The following GRM1 variants were observed in gnomAD, a reference collection of about 807,000 sequenced individuals.
The protein encoded by GRM1 is glutamate metabotropic receptor 1.
A neutral mutation model predicts 90.9 loss-of-function variants in GRM1; 33 were observed. The ratio of observed to expected loss-of-function variants is 0.36; its 90% confidence interval spans 0.28 to 0.49. The LOEUF (loss-of-function observed/expected upper bound fraction) is 0.49. GRM1 is among the 20% of genes least tolerant of loss of function. GRM1 has a pLI of 0.99. For missense variants in GRM1, 1,190 were observed against 1,534.3 expected (o/e 0.78, Z 3.75); for synonymous variants, 700 against 613.2 (o/e 1.14, Z -2.09).
chr6:146,170,824 C>T (rs972434946), intron 2 of GRM1, among the ~76,000 whole-genome samples: 1 of 151,726 alleles, frequency 6.6e-6, no homozygotes, highest in African/African-American at 2.4e-5. Flanking sequence ...GTATGTGAGT[C>T]ACACTTTTTT....
intron 7 of GRM1, among the ~76,000 whole-genome samples, chr6:146,430,090 A>G (rs1375216715): frequency 1.3e-5 from 2 of 152,220 alleles, no homozygotes; most frequent in African/African-American, 2.4e-5. Flanking sequence ...AGATGTAACT[A>G]GTACTTACTG....
At chr6:146,424,881 T>A (rs1017787949) in intron 7 of GRM1, among the ~76,000 whole-genome samples, 1 of 152,238 alleles carries the variant, frequency 6.6e-6, no homozygotes, top group African/African-American at 2.4e-5. Context: ...TACATTTACA[T>A]ATTCAGACAT....
intron 2 of GRM1, among the ~76,000 whole-genome samples, chr6:146,217,407 G>A (rs1333720391): frequency 2.0e-5 from 3 of 152,212 alleles, no homozygotes; most frequent in African/African-American, 7.2e-5. Context: ...TTTATTTACC[G>A]ATAAAAATCA....
intron 2 of GRM1, among the ~76,000 whole-genome samples, chr6:146,195,400 A>T (rs1041336465): frequency 6.6e-6 from 1 of 152,166 alleles, no homozygotes; most frequent in Non-Finnish European, 1.5e-5. Flanking sequence ...ACCTCCTCAG[A>T]CCCGCCGTTC....
rs372723932 is a variant in GRM1 at position 146,426,579 on chromosome 6, C to T, written c.2661-7293C>T. 105 of 1,612,540 alleles carry T rather than the reference C, an allele frequency of 6.5e-5. No homozygotes were observed. The highest frequency in any genetic ancestry group is 7.9e-5 in the Non-Finnish European group (93 of 1,179,076). On this transcript the variant is annotated intron_variant, in intron 7 of 7. Coordinates refer to ENST00000282753, the MANE Select transcript of GRM1 (RefSeq NM_001278064.2). ...TTCAGGAAGAGGCAGCCAGAATTCT[C>T]GCCCACCAGCCAATGTCCGTCGGCA...
At chr6:146,040,521 G>A (rs948681177) in intron 1 of GRM1, among the ~76,000 whole-genome samples, 2 of 151,938 alleles carry the variant, frequency 1.3e-5, no homozygotes, top group Non-Finnish European at 2.9e-5. Context: ...ATGTTTGAAA[G>A]TTAGCTTTGC....
intron 3 of GRM1, among the ~76,000 whole-genome samples, chr6:146,345,298 T>G (rs1037047880): frequency 6.6e-6 from 1 of 152,230 alleles, no homozygotes; most frequent in Non-Finnish European, 1.5e-5. Flanking sequence ...TAAAATAGAC[T>G]TTTTAAGTGC....
At chr6:146,088,627 C>T (rs1033440687) in intron 1 of GRM1, among the ~76,000 whole-genome samples, 3 of 152,050 alleles carry the variant, frequency 2.0e-5, no homozygotes, top group African/African-American at 7.2e-5. Context: ...ACCAGGATGC[C>T]AGTAGATGTC....
chr6:146,044,215 A>G (rs1470777107), intron 1 of GRM1, among the ~76,000 whole-genome samples: 1 of 151,946 alleles, frequency 6.6e-6, no homozygotes, highest in Non-Finnish European at 1.5e-5. Context: ...CTGTGGATTT[A>G]TAACAGTCTC....
chr6:146,221,193 A>AT (rs1031015228), intron 2 of GRM1, among the ~76,000 whole-genome samples: 11 of 152,076 alleles, frequency 7.2e-5, no homozygotes, highest in Non-Finnish European at 1.2e-4. Flanking sequence ...AGAATCAGAG[A>AT]TTTTTTTAAA....
At chr6:146,301,551 C>T (rs1783381018) in intron 2 of GRM1, among the ~76,000 whole-genome samples, 1 of 152,110 alleles carries the variant, frequency 6.6e-6, no homozygotes, top group African/African-American at 2.4e-5. Flanking sequence ...AGACTGTAAA[C>T]AAAACAAATT....
At chr6:146,320,043 G>C (rs1784117981) in intron 3 of GRM1, among the ~76,000 whole-genome samples, 1 of 152,044 alleles carries the variant, frequency 6.6e-6, no homozygotes, top group South Asian at 2.1e-4. Flanking sequence ...ATCTTGTGCT[G>C]GTTTTCAAAG....
intron 3 of GRM1, among the ~76,000 whole-genome samples, chr6:146,320,293 C>T (rs934283589): frequency 6.6e-6 from 1 of 152,140 alleles, no homozygotes; most frequent in African/African-American, 2.4e-5. Flanking sequence ...TTGAACCAGC[C>T]TTGCATACCA....
intron 2 of GRM1, among the ~76,000 whole-genome samples, chr6:146,239,835 T>A (rs140090631): frequency 3.3e-5 from 5 of 152,136 alleles, no homozygotes; most frequent in East Asian, 3.9e-4. Context: ...TTTTTTAAAG[T>A]TCCCCCCGGA....
intron 1 of GRM1, among the ~76,000 whole-genome samples, chr6:146,112,847 C>T (rs1379497560): frequency 1.3e-5 from 2 of 152,100 alleles, no homozygotes; most frequent in African/African-American, 4.8e-5. Context: ...AGAAGGTCAC[C>T]TTCAAATGAT....
At chr6:146,187,140 G>C (rs2114567560) in intron 2 of GRM1, among the ~76,000 whole-genome samples, 1 of 152,248 alleles carries the variant, frequency 6.6e-6, no homozygotes, top group South Asian at 2.1e-4. Context: ...TTGGTTGATT[G>C]TGTTTAAAGT....
chr6:146,416,472 T>A (rs1239608520), intron 7 of GRM1, among the ~76,000 whole-genome samples: 1 of 152,204 alleles, frequency 6.6e-6, no homozygotes, highest in Non-Finnish European at 1.5e-5. Context: ...TTTTATCACT[T>A]TCCAAGCAAG....
chr6:146,352,601 G>A lies in GRM1; in HGVS notation c.1433+105G>A, dbSNP rs1031936279. On this transcript the variant is annotated intron_variant, in intron 4 of 7. Transcript: ENST00000282753. ...TTCCATGGTTTCTGGGTGCCATGAG[G>A]ATAGATACAACTAGGTAGCAAAAAG... is the stretch of plus-strand genomic sequence containing the variant. 24 of 1,147,476 alleles carry A rather than the reference G, an allele frequency of 2.1e-5. No individual in the cohort carries two copies. The South Asian group carries it at 2.6e-4, about 12-fold the overall frequency. 71.1% of individuals were successfully genotyped at this position (1,147,476 alleles called of 1,614,324 possible). A position where few individuals can be genotyped will look rare whatever the true frequency, so the allele number is the denominator to read the frequency against.
chr6:146,275,873 TG>T (rs1782342244), intron 2 of GRM1, among the ~76,000 whole-genome samples: 1 of 152,218 alleles, frequency 6.6e-6, no homozygotes, highest in Non-Finnish European at 1.5e-5. Flanking sequence ...ATTGTGGTTT[TG>T]CACACATTGC....
Sources: allele counts gnomAD v4.1 joint callset (sites outside exome capture counted in the v4.1 genomes callset), GRCh38; gene constraint gnomAD v4.1.1; transcripts MANE v1.5; gene names NCBI Gene and HGNC (gene_info 2026-07-23, HGNC 2026-07-21).